Variants in TBCD observed in about 807,000 individuals in gnomAD.
TBCD encodes tubulin-specific chaperone D.
Under a neutral mutation model 169.3 loss-of-function variants are expected in TBCD, and 105 were observed. The ratio of observed to expected loss-of-function variants is 0.62; its 90% CI spans 0.53 to 0.73. The LOEUF (loss-of-function observed/expected upper bound fraction) is 0.73. Ranked by LOEUF, TBCD falls within the 30% of genes least tolerant of loss-of-function variation. The pLI is 0.00. For synonymous variants in TBCD, 700 were observed against 643.9 expected (o/e 1.09, Z -1.32); for missense variants, 1,444 against 1,600.1 (o/e 0.90, Z 1.66).
At position 82,772,454 on chromosome 17, in the gene TBCD, C is replaced by T. The variant is rs73362955; in HGVS notation, c.585C>T (p.Ser195=). The T allele has an allele frequency of 4.6e-5, 74 of 1,613,908 alleles. No individual in the cohort carries two copies. The African/African-American group carries it at 8.4e-4, about 18-fold the overall frequency. The change falls in exon 6 of 39, where the codon TCC becomes TCT. Residue 195 remains serine (S), a splice_region_variant and synonymous_variant. Coordinates refer to ENST00000355528, the MANE Select transcript of TBCD (RefSeq NM_005993.5). ...CTGTGCTTCACCCTTTCTTGCAGTC[C>T]TACTTGATTGTCAGTGACAAGGCCC... The part of the protein sequence containing the change: ...IMDRILQIAE[S]YLIVSDKARD...
chr17:82,853,422 A>G (rs2055978134), intron 13 of TBCD, among the ~76,000 whole-genome samples: 1 of 146,626 alleles, frequency 6.8e-6, no homozygotes, highest in African/African-American at 2.5e-5. Context: ...TCTGTTTTTG[A>G]GTCAGGGTCT....
chr17:82,878,209 C>G (rs2058097824), intron 14 of TBCD, among the ~76,000 whole-genome samples: 1 of 152,226 alleles, frequency 6.6e-6, no homozygotes, highest in Admixed American at 6.5e-5. Flanking sequence ...TCAGCCTCCT[C>G]TGCTCTGTGA....
At chr17:82,815,694 C>CCT (rs1299468286) in intron 13 of TBCD, among the ~76,000 whole-genome samples, 4 of 152,196 alleles carry the variant, frequency 2.6e-5, no homozygotes, top group Non-Finnish European at 4.4e-5. Flanking sequence ...CCTGAGAGGG[C>CCT]CTCACCACAG....
chr17:82,889,696 A>G lies in TBCD; in HGVS notation c.1562A>G (p.Gln521Arg), dbSNP rs1258800991. The G allele has an allele frequency of 3.1e-6, 5 of 1,613,390 alleles. No individual in the cohort carries two copies. Among genetic ancestry groups the G allele is most frequent in the Non-Finnish European group, 4.2e-6 (5 of 1,179,730 alleles). ...GCCTTCCAGGAGAATGTGGGGAGAC[A>G]GGTATGGCTGCTTTCAAACACCTTT... The part of the protein sequence containing the change: ...SAAFQENVGR[Q>R]GTFPHGIDIL... The change falls in exon 16 of 39, where the codon CAG becomes CGG. Residue 521 changes from glutamine to arginine, a missense_variant and splice_region_variant. Transcript: ENST00000355528. The surrounding 1 kb of genome is among the most constrained non-coding windows in gnomAD (Gnocchi z 5.3).
chr17:82,795,460 A>G (rs2050034405), intron 7 of TBCD: 4 of 888,456 alleles, frequency 4.5e-6, no homozygotes, highest in Non-Finnish European at 5.4e-6. Flanking sequence ...GGCCTTTCCC[A>G]CTGGGGTTTT....
At chr17:82,756,782 C>T (rs1276934703) in intron 2 of TBCD, among the ~76,000 whole-genome samples, 3 of 152,050 alleles carry the variant, frequency 2.0e-5, no homozygotes, top group African/African-American at 7.2e-5. Flanking sequence ...CTGGCCTCCT[C>T]AAGTGTTTTT....
chr17:82,780,739 G>A (rs2048894376), intron 6 of TBCD, among the ~76,000 whole-genome samples: 1 of 140,784 alleles, frequency 7.1e-6, no homozygotes, highest in Non-Finnish European at 1.5e-5. Flanking sequence ...CCGCCTCCCG[G>A]GTTCACGCGA....
intron 14 of TBCD, among the ~76,000 whole-genome samples, chr17:82,882,784 T>C (rs949712553): frequency 1.3e-5 from 2 of 151,668 alleles, no homozygotes; most frequent in East Asian, 3.9e-4. Flanking sequence ...TGGGTCTGGG[T>C]CTGGGTCTGG....
chr17:82,843,045 G>GC (rs1260815056), intron 13 of TBCD, among the ~76,000 whole-genome samples: 5 of 152,180 alleles, frequency 3.3e-5, no homozygotes, highest in African/African-American at 9.6e-5. Context: ...CTCCCAAAGT[G>GC]CTAGGATTAC....
chr17:82,883,135 C>G (rs1001693527), intron 14 of TBCD, among the ~76,000 whole-genome samples: 22 of 152,272 alleles, frequency 1.4e-4, no homozygotes, highest in African/African-American at 4.6e-4. Context: ...CGGCGTCCTT[C>G]ATGTTGACGC....
chr17:82,832,029 A>G lies in TBCD; in HGVS notation c.1318+17095A>G. 2 of 1,612,760 alleles carry G rather than the reference A, an allele frequency of 1.2e-6. No individual in the cohort carries two copies. The highest frequency in any genetic ancestry group is 1.3e-5 in the African/African-American group (1 of 74,992). On this transcript the variant is annotated intron_variant, in intron 13 of 38. Transcript: ENST00000355528. This position sits in a 1 kb window ranked among gnomAD's most constrained non-coding sequence, Gnocchi z 4.9. Reference sequence around the variant, plus strand: ...GCTGGGCACCGAGGGCGGCTTCCGGAGCTGGGCTCTTGCAGGGTGATGCCC... The same window carrying G: ...GCTGGGCACCGAGGGCGGCTTCCGGGGCTGGGCTCTTGCAGGGTGATGCCC...
intron 9 of TBCD, among the ~76,000 whole-genome samples, chr17:82,801,343 C>G (rs933815179): frequency 1.3e-5 from 2 of 152,180 alleles, no homozygotes; most frequent in Non-Finnish European, 2.9e-5. Flanking sequence ...AGAAGTGTTT[C>G]TGATTTTGAG....
intron 34 of TBCD, among the ~76,000 whole-genome samples, chr17:82,934,925 C>T (rs566544419): frequency 3.3e-5 from 5 of 152,206 alleles, no homozygotes; most frequent in Non-Finnish European, 7.4e-5. Flanking sequence ...TTGGTGAAAC[C>T]CCATCTCTAC....
chr17:82,831,981 C>A lies in TBCD; in HGVS notation c.1318+17047C>A. On this transcript the variant is annotated intron_variant, in intron 13 of 38. Coordinates refer to ENST00000355528, the MANE Select transcript of TBCD (RefSeq NM_005993.5). The surrounding 1 kb of genome is among the most constrained non-coding windows in gnomAD (Gnocchi z 4.6). ...CGCCGACTGGAACAAATGCAGAAGG[C>A]CGAGCTGCGCCTTCCAGAGCAGGCT... The A allele has an allele frequency of 6.2e-7, 1 of 1,613,202 alleles. No individual in the cohort carries two copies. Among genetic ancestry groups the A allele is most frequent in the Non-Finnish European group, 8.5e-7 (1 of 1,179,350 alleles).
At chr17:82,879,392 G>A (rs751790650) in intron 14 of TBCD, among the ~76,000 whole-genome samples, 4 of 152,020 alleles carry the variant, frequency 2.6e-5, no homozygotes, top group Non-Finnish European at 4.4e-5. Context: ...GCTGCCGTGC[G>A]TCTGCCGTCA....
At chr17:82,756,105 G>A in intron 1 of TBCD, 60 bp from the exon 2 acceptor site, 1 of 1,480,244 alleles carries the variant, frequency 6.8e-7, no homozygotes, top group East Asian at 2.4e-5. Flanking sequence ...TGGGGTTTCT[G>A]AGGCTCATGG....
intron 13 of TBCD, chr17:82,838,918 G>T (rs1013739879): frequency 1.0e-6 from 1 of 985,388 alleles, no homozygotes; most frequent in South Asian, 4.7e-5. Flanking sequence ...TTGCTAATGC[G>T]CAGTGAAAAT....
intron 13 of TBCD, chr17:82,858,803 C>G (rs1023425401): frequency 5.9e-6 from 2 of 340,362 alleles, no homozygotes; most frequent in Non-Finnish European, 8.3e-6. Context: ...GTCTTAGGAT[C>G]CCGCTTGGTG....
chr17:82,779,080 C>T (rs775013465), intron 6 of TBCD, among the ~76,000 whole-genome samples: 9 of 148,796 alleles, frequency 6.0e-5, no homozygotes, highest in African/African-American at 2.2e-4. Context: ...GGTGAGATCT[C>T]GGCTCACTGC....
Sources: allele counts gnomAD v4.1 joint callset (sites outside exome capture counted in the v4.1 genomes callset), GRCh38; gene constraint gnomAD v4.1.1; non-coding constraint Gnocchi (gnomAD v3.1); transcripts MANE v1.5; gene names NCBI Gene and HGNC (gene_info 2026-07-23, HGNC 2026-07-21).